LRRIQ1: variants seen among roughly 807,000 people sequenced by gnomAD.
LRRIQ1 encodes the protein leucine-rich repeat- and IQ domain-containing protein 1.
LRRIQ1 carries 210 observed loss-of-function variants against 211.9 expected under a neutral mutation model. The observed-to-expected ratio is 0.99, with a 90% CI of 0.89 to 1.11. The LOEUF is 1.11. LRRIQ1 is among the 50% of genes most tolerant of loss of function. The probability of loss-of-function intolerance (pLI) is 0.00; values close to 1 mark genes in which losing one functional copy is unlikely to be tolerated. For synonymous variants in LRRIQ1, 699 were observed against 650.1 expected, an observed-to-expected ratio of 1.08 and a Z score of -1.14; for missense variants, 2,136 against 1,939.5, an observed-to-expected ratio of 1.10 and a Z score of -1.90.
Position 85,118,504 on chromosome 12 carries a change from T to G in LRRIQ1, c.3378-3193T>G, listed in dbSNP as rs534206755. ...CTCAGTACATGAAAAACTATGTTTT[T>G]TTTTTTTTTTTGCTTTTATAGAGGA... On this transcript the variant is annotated intron_variant, in intron 15 of 26. Coordinates refer to ENST00000393217, the MANE Select transcript of LRRIQ1 (RefSeq NM_001079910.2). Among the ~76,000 whole-genome samples the G allele has an allele frequency of 6.6e-5, 10 of 151,340 alleles. No homozygotes were observed. The South Asian group carries it at 1.7e-3, about 25-fold the overall frequency.
At chr12:85,160,274 A>C (rs1040835226) in intron 23 of LRRIQ1, among the ~76,000 whole-genome samples, 19 of 152,030 alleles carry the variant, frequency 1.2e-4, no homozygotes, top group Non-Finnish European at 2.5e-4. Flanking sequence ...CCACTATTTT[A>C]GGTGTTAAAT....
Position 85,183,100 on chromosome 12 carries a change from T to C in LRRIQ1, c.4822+22386T>C, listed in dbSNP as rs375341541. 1.2e-4 allele frequency among the ~76,000 whole-genome samples: 19 copies of C among 152,306 alleles called. 2 individuals are homozygous for C. Among genetic ancestry groups the C allele is most frequent in the African/African-American group, 4.6e-4 (19 of 41,598 alleles). ...AAATCTGTGCCTAATTTTCCAACCTTCTGTCCATCAATGACAGGATTCCTT... is the reference window on the plus strand; with the variant it reads ...AAATCTGTGCCTAATTTTCCAACCTCCTGTCCATCAATGACAGGATTCCTT... On this transcript the variant is annotated intron_variant, in intron 24 of 26. Coordinates refer to ENST00000393217, the MANE Select transcript of LRRIQ1 (RefSeq NM_001079910.2).
At position 85,099,112 on chromosome 12, in the gene LRRIQ1, TA is replaced by T; in HGVS notation, c.3209+121del. The stretch of plus-strand genomic sequence containing the variant: ...ATAATTCAATGAGATTGCATCAAAA[TA>T]AATTAGTATATAAATTATAAAAATA... On this transcript the variant is annotated intron_variant, in intron 13 of 26. Transcript: ENST00000393217. The T allele has an allele frequency of 5.6e-6, 3 of 531,272 alleles. No homozygotes were observed. In the South Asian group the frequency reaches 1.7e-4, roughly 29 times the overall value. The allele number at this position is 531,272 out of a possible 1,614,324, so 32.9% of individuals were successfully genotyped here. A position where few individuals can be genotyped will look rare whatever the true frequency, so the allele number is the denominator to read the frequency against.
chr12:85,199,329 T>A (rs895244178), intron 24 of LRRIQ1, among the ~76,000 whole-genome samples: 2 of 152,146 alleles, frequency 1.3e-5, no homozygotes, highest in African/African-American at 4.8e-5. Context: ...CTTTCGCATA[T>A]AGGCAGCCCG....
intron 19 of LRRIQ1, among the ~76,000 whole-genome samples, chr12:85,145,288 A>C (rs2136616680): frequency 6.6e-6 from 1 of 151,756 alleles, no homozygotes; most frequent in South Asian, 2.1e-4. Flanking sequence ...ATATAAAATT[A>C]TCATGATAAA....
At chr12:85,102,452 C>A (rs1002957838) in intron 13 of LRRIQ1, among the ~76,000 whole-genome samples, 1 of 151,752 alleles carries the variant, frequency 6.6e-6, no homozygotes, top group Non-Finnish European at 1.5e-5. Flanking sequence ...GAAGTGGGAT[C>A]TTATATGTTT....
chr12:85,076,350 T>A (rs1883651602), intron 11 of LRRIQ1, among the ~76,000 whole-genome samples: 1 of 151,902 alleles, frequency 6.6e-6, no homozygotes, highest in Admixed American at 6.6e-5. Flanking sequence ...AAAATAAATA[T>A]AATGTTAACA....
chr12:85,260,192 G>A (rs1361529229), intron 1 of LRRIQ1, among the ~76,000 whole-genome samples: 13 of 148,748 alleles, frequency 8.7e-5, no homozygotes, highest in African/African-American at 2.5e-5. Flanking sequence ...CTTTAGTCCC[G>A]GCTTCTGGGA....
intron 15 of LRRIQ1, among the ~76,000 whole-genome samples, chr12:85,114,835 C>G (rs920298027): frequency 3.3e-5 from 5 of 152,008 alleles, no homozygotes; most frequent in Admixed American, 2.6e-4. Flanking sequence ...GATTTTAAAT[C>G]TGTAAATCTA....
intron 24 of LRRIQ1, among the ~76,000 whole-genome samples, chr12:85,211,672 A>G (rs186692028): frequency 9.8e-5 from 15 of 152,328 alleles, no homozygotes; most frequent in African/African-American, 3.1e-4. Flanking sequence ...CTTGCCTCAC[A>G]TATTGACATG....
At chr12:85,062,667 T>A (rs1303857154) in intron 8 of LRRIQ1, among the ~76,000 whole-genome samples, 1 of 151,778 alleles carries the variant, frequency 6.6e-6, no homozygotes, top group East Asian at 1.9e-4. Context: ...AACATACCGA[T>A]ATATGTGTCT....
chr12:85,076,222 A>C (rs1883634478), intron 11 of LRRIQ1, among the ~76,000 whole-genome samples: 1 of 151,994 alleles, frequency 6.6e-6, no homozygotes, highest in African/African-American at 2.4e-5. Context: ...GATTATCTTG[A>C]CTTTTTCCAC....
At chr12:85,155,532 A>G (rs1006688803) in intron 23 of LRRIQ1, among the ~76,000 whole-genome samples, 19 of 151,628 alleles carry the variant, frequency 1.3e-4, no homozygotes, top group Non-Finnish European at 2.5e-4. Flanking sequence ...AGCAGTATCA[A>G]AAACATTCTT....
chr12:85,176,942 G>A (rs1891737512), intron 24 of LRRIQ1, among the ~76,000 whole-genome samples: 1 of 151,916 alleles, frequency 6.6e-6, no homozygotes, highest in Admixed American at 6.6e-5. Context: ...TATCTATACA[G>A]CAGTGGCGGA....
chr12:85,258,689 A>C (rs554971049), intron 1 of LRRIQ1, among the ~76,000 whole-genome samples: 1 of 152,062 alleles, frequency 6.6e-6, no homozygotes, highest in South Asian at 2.1e-4. Context: ...TGCTGCTAAA[A>C]ATTGGTTCTG....
chr12:85,138,415 A>T (rs189614067), intron 19 of LRRIQ1, among the ~76,000 whole-genome samples: 19 of 151,682 alleles, frequency 1.3e-4, no homozygotes, highest in Admixed American at 1.3e-3. Context: ...AATACTTTTA[A>T]AGACTACTGA....
chr12:85,083,094 G>A (rs1343896805), intron 11 of LRRIQ1, among the ~76,000 whole-genome samples: 1 of 152,152 alleles, frequency 6.6e-6, no homozygotes, highest in Admixed American at 6.5e-5. Context: ...TTTCAGCAAT[G>A]TATAGCTGAT....
intron 7 of LRRIQ1, among the ~76,000 whole-genome samples, chr12:85,053,639 T>C (rs183502866): frequency 9.2e-5 from 14 of 152,334 alleles, no homozygotes; most frequent in Non-Finnish European, 1.0e-4. Flanking sequence ...TACACTTAAA[T>C]AGTTGTCAAA....
chr12:85,228,504 C>A (rs1894778398), intron 24 of LRRIQ1, among the ~76,000 whole-genome samples: 2 of 152,114 alleles, frequency 1.3e-5, no homozygotes, highest in Non-Finnish European at 2.9e-5. Flanking sequence ...TACTAAGTAA[C>A]AGAGTTTTAG....
Sources: allele counts gnomAD v4.1 joint callset (sites outside exome capture counted in the v4.1 genomes callset), GRCh38; gene constraint gnomAD v4.1.1; transcripts MANE v1.5; gene names NCBI Gene and HGNC (gene_info 2026-07-23, HGNC 2026-07-21).